The following TMBIM6 variants were observed in gnomAD, a reference collection of about 807,000 sequenced individuals.
TMBIM6 encodes transmembrane BAX inhibitor motif containing 6.
Under a neutral mutation model 31.4 loss-of-function variants are expected in TMBIM6, and 13 were observed. That is an observed-to-expected ratio of 0.41 (90% confidence interval 0.27 to 0.66). The LOEUF (loss-of-function observed/expected upper bound fraction) is 0.66, where lower values mean the gene tolerates loss of function less well. TMBIM6 is among the 30% of genes least tolerant of loss of function. The pLI is 0.28. For missense variants in TMBIM6, 275 were observed against 289.5 expected, an observed-to-expected ratio of 0.95 and a Z score of 0.36; for synonymous variants, 85 against 101.7, an observed-to-expected ratio of 0.84 and a Z score of 0.99.
chr12:49,751,758 A>ATTT (rs58141027), intron 1 of TMBIM6, among the ~76,000 whole-genome samples: 3,106 of 108,410 alleles, frequency 0.029, 157 homozygotes, highest in African/African-American at 0.066. Context: ...TAGTGAGATA[A>ATTT]TTTTTTTTTT....
chr12:49,755,825 C>A (rs1592728822), intron 4 of TMBIM6, 70 bp downstream of exon 4: 2 of 1,529,030 alleles, frequency 1.3e-6, no homozygotes, highest in South Asian at 2.5e-5. Context: ...TAGTTCCCCC[C>A]CCTTTTTTTT....
intron 8 of TMBIM6, among the ~76,000 whole-genome samples, chr12:49,759,793 G>A (rs1157444574): frequency 8.4e-5 from 12 of 142,342 alleles, no homozygotes; most frequent in Non-Finnish European, 1.4e-4. Flanking sequence ...GCAACAGAGC[G>A]AGACCCTGTC....
At chr12:49,749,107 T>C (rs973743392) in intron 1 of TMBIM6, among the ~76,000 whole-genome samples, 1 of 152,250 alleles carries the variant, frequency 6.6e-6, no homozygotes, top group Non-Finnish European at 1.5e-5. Context: ...AGGTATCTTT[T>C]CTGAGCTTCG....
intron 1 of TMBIM6, among the ~76,000 whole-genome samples, chr12:49,747,270 A>G (rs1945412598): frequency 1.3e-5 from 2 of 151,906 alleles, no homozygotes; most frequent in African/African-American, 4.8e-5. Context: ...TTGACAAACT[A>G]ATTTTTTTGT....
intron 1 of TMBIM6, chr12:49,742,374 G>A: frequency 6.8e-7 from 1 of 1,462,286 alleles, no homozygotes; most frequent in Non-Finnish European, 9.1e-7. Context: ...TTTATCTTGG[G>A]CCTACTTGCT....
intron 3 of TMBIM6, 149 bp from the exon 4 acceptor site, chr12:49,755,486 C>T: frequency 2.1e-6 from 2 of 940,754 alleles, no homozygotes; most frequent in Admixed American, 2.6e-5. Flanking sequence ...CAGCCCCATC[C>T]CTGAGAAAAC....
intron 1 of TMBIM6, among the ~76,000 whole-genome samples, chr12:49,747,989 C>T (rs771189545): frequency 7.2e-5 from 11 of 152,038 alleles, no homozygotes; most frequent in Non-Finnish European, 1.5e-4. Context: ...CTGCAACCTC[C>T]GCTTCCCTGG....
intron 1 of TMBIM6, among the ~76,000 whole-genome samples, chr12:49,743,157 T>A (rs550140568): frequency 2.2e-4 from 34 of 151,942 alleles, no homozygotes; most frequent in Non-Finnish European, 4.3e-4. Context: ...AATTTTTGTA[T>A]TTTTTGTGGA....
intron 3 of TMBIM6, among the ~76,000 whole-genome samples, chr12:49,754,427 T>C (rs1166127027): frequency 6.6e-6 from 1 of 152,236 alleles, no homozygotes; most frequent in Non-Finnish European, 1.5e-5. Flanking sequence ...GTACTGCTGT[T>C]GTAACTGTGA....
At chr12:49,746,846 G>GT (rs1565916863) in intron 1 of TMBIM6, among the ~76,000 whole-genome samples, 1 of 151,396 alleles carries the variant, frequency 6.6e-6, no homozygotes, top group South Asian at 2.1e-4. Flanking sequence ...TTTTGTTTTT[G>GT]TTTTTTTGAG....
rs907273021 is a variant in TMBIM6 at position 49,757,197 on chromosome 12, T to A, written c.287-1030T>A. On this transcript the variant is annotated intron_variant, in intron 4 of 9. Transcript: ENST00000267115. ...GGCCTGCTTTCTAATCTCATATAGG[T>A]TCATTTTGTTTCCCCATCCATTAGG... 2.6e-5 allele frequency among the ~76,000 whole-genome samples: 4 copies of A among 152,172 alleles called. 1 individual carries two copies. The highest frequency in any genetic ancestry group is 9.7e-5 in the African/African-American group (4 of 41,440).
chr12:49,742,074 T>G, intron 1 of TMBIM6: 3 of 1,569,502 alleles, frequency 1.9e-6, no homozygotes, highest in Non-Finnish European at 2.6e-6. Context: ...GGTCCTTTGG[T>G]CGGGCTGACC....
intron 1 of TMBIM6, among the ~76,000 whole-genome samples, chr12:49,751,174 A>C (rs914524108): frequency 1.3e-5 from 2 of 152,182 alleles, no homozygotes; most frequent in Non-Finnish European, 2.9e-5. Flanking sequence ...TGTTGATATG[A>C]TCTAACCTGG....
intron 4 of TMBIM6, 93 bp from the exon 5 acceptor site, chr12:49,758,134 A>G (rs1352674398): frequency 4.4e-6 from 6 of 1,367,308 alleles, no homozygotes; most frequent in South Asian, 1.2e-5. Context: ...TGTTAAGAGC[A>G]TGAGTATGCC....
intron 1 of TMBIM6, among the ~76,000 whole-genome samples, chr12:49,751,758 ATTTTTTT>A (rs58141027): frequency 8.3e-5 from 9 of 108,526 alleles, no homozygotes; most frequent in Admixed American, 1.9e-4. Context: ...TAGTGAGATA[ATTTTTTT>A]TTTTTTTTTT....
Position 49,752,568 on chromosome 12 carries a change from A to G in TMBIM6, c.56+19A>G. ...CTCATATGTAAGTGTTTTGACCTTGACTGGTTTTGTACTGCATTTCTTTTC... is the reference window on the plus strand; with the variant it reads ...CTCATATGTAAGTGTTTTGACCTTGGCTGGTTTTGTACTGCATTTCTTTTC... On this transcript the variant is annotated intron_variant, in intron 2 of 9. Transcript: ENST00000267115. 6.3e-7 allele frequency: 1 copy of G among 1,592,948 alleles called. No individual in the cohort carries two copies. Among genetic ancestry groups the G allele is most frequent in the Middle Eastern group, 1.7e-4 (1 of 6,020 alleles).
rs1945510306 is a variant in TMBIM6, at chr12:49,752,389, G to GC, written c.-30-74dup. On this transcript the variant is annotated intron_variant, in intron 1 of 9. Transcript: ENST00000267115. ...TTTCATCTTTCTGAACTTACATGTT[G>GC]CTTTTTTTTTTTTTTATAAGCTGTT... 11 of 894,022 alleles carry GC rather than the reference G, an allele frequency of 1.2e-5. No homozygotes were observed. The East Asian group carries it at 3.0e-4, about 24-fold the overall frequency. 55.4% of individuals were successfully genotyped at this position (894,022 alleles called of 1,614,324 possible). A position where few individuals can be genotyped will look rare whatever the true frequency, so the allele number is the denominator to read the frequency against.
chr12:49,751,374 T>A (rs1002324826), intron 1 of TMBIM6, among the ~76,000 whole-genome samples: 13 of 152,184 alleles, frequency 8.5e-5, no homozygotes, highest in African/African-American at 2.9e-4. Context: ...TATTTTTACA[T>A]CTGTCTATAT....
intron 9 of TMBIM6, 171 bp downstream of exon 9, chr12:49,761,950 C>T: frequency 1.6e-6 from 1 of 627,506 alleles, no homozygotes; most frequent in Non-Finnish European, 2.6e-6. Context: ...AGAAAAAAAG[C>T]AGCAAGTGAA....
Sources: allele counts gnomAD v4.1 joint callset (sites outside exome capture counted in the v4.1 genomes callset), GRCh38; gene constraint gnomAD v4.1.1; transcripts MANE v1.5; gene names NCBI Gene and HGNC (gene_info 2026-07-23, HGNC 2026-07-21).